Variants in MGAT4C observed in about 807,000 individuals in gnomAD.
MGAT4C encodes the protein alpha-1,3-mannosyl-glycoprotein 4-beta-N-acetylglucosaminyltransferase C.
A neutral mutation model predicts 40.1 loss-of-function variants in MGAT4C; 19 were observed. The observed-to-expected ratio is 0.47, with a 90% CI of 0.33 to 0.70. MGAT4C has a LOEUF of 0.70. MGAT4C is among the 30% of genes least tolerant of loss of function. The probability of loss-of-function intolerance (pLI) is 0.02; values close to 1 mark genes in which losing one functional copy is unlikely to be tolerated. For missense variants in MGAT4C, 491 were observed against 563.2 expected, an observed-to-expected ratio of 0.87 and a Z score of 1.30; for synonymous variants, 181 against 187.1, an observed-to-expected ratio of 0.97 and a Z score of 0.27.
chr12:86,739,265 C>A (rs1391500238), intron 1 of MGAT4C, among the ~76,000 whole-genome samples: 1 of 149,756 alleles, frequency 6.7e-6, no homozygotes, highest in Non-Finnish European at 1.5e-5. Context: ...GTTTGTAGTA[C>A]CTGTCCTAAA....
Position 86,291,835 on chromosome 12 carries a change from TG to T in MGAT4C, c.-57+42229del, listed in dbSNP as rs375613424. Among the ~76,000 whole-genome samples the T allele has an allele frequency of 4.2e-3, 638 of 152,048 alleles. 4 individuals carry two copies. Among genetic ancestry groups the T allele is most frequent in the African/African-American group, 0.015 (613 of 41,484 alleles). ...TAAACTGAATACTGTGAATAGGATT[TG>T]GGGGTAAGTGGAAGATATGAAAAAT... On this transcript the variant is annotated intron_variant, in intron 4 of 7. Transcript: ENST00000548651.
At chr12:86,694,916 T>C (rs928414040) in intron 2 of MGAT4C, among the ~76,000 whole-genome samples, 4 of 151,946 alleles carry the variant, frequency 2.6e-5, no homozygotes, top group African/African-American at 9.7e-5. Flanking sequence ...AATGGACAAA[T>C]GGGATCACAT....
intron 2 of MGAT4C, among the ~76,000 whole-genome samples, chr12:86,669,775 T>C (rs1446709062): frequency 6.6e-6 from 1 of 152,228 alleles, no homozygotes; most frequent in Non-Finnish European, 1.5e-5. Flanking sequence ...GCCCATTGCC[T>C]AGGCAGCAAA....
At chr12:86,263,892 C>T (rs750301281) in intron 4 of MGAT4C, among the ~76,000 whole-genome samples, 1 of 151,952 alleles carries the variant, frequency 6.6e-6, no homozygotes, top group East Asian at 1.9e-4. Flanking sequence ...TCTCATTGTG[C>T]TTTTAATTTG....
intron 1 of MGAT4C, among the ~76,000 whole-genome samples, chr12:86,070,172 T>G (rs1894945442): frequency 6.6e-6 from 1 of 151,960 alleles, no homozygotes; most frequent in Admixed American, 6.6e-5. Context: ...AAGTCAAATA[T>G]AATAAACTTA....
At chr12:86,828,690 G>T (rs1017776687) in intron 1 of MGAT4C, among the ~76,000 whole-genome samples, 1 of 151,370 alleles carries the variant, frequency 6.6e-6, no homozygotes, top group Non-Finnish European at 1.5e-5. Flanking sequence ...GGATGCTATT[G>T]GGCAAAGAAA....
intron 2 of MGAT4C, among the ~76,000 whole-genome samples, chr12:86,540,503 C>G (rs896638794): frequency 1.3e-5 from 2 of 152,006 alleles, no homozygotes; most frequent in African/African-American, 4.8e-5. Flanking sequence ...TTTGTGAGGC[C>G]GAGACATGCA....
intron 2 of MGAT4C, among the ~76,000 whole-genome samples, chr12:86,541,660 T>C (rs1298185224): frequency 1.3e-5 from 2 of 152,184 alleles, no homozygotes; most frequent in African/African-American, 4.8e-5. Context: ...AGAAGTGAAA[T>C]TGTATTTTAA....
intron 3 of MGAT4C, among the ~76,000 whole-genome samples, chr12:86,373,172 G>A (rs772823459): frequency 6.6e-5 from 10 of 151,784 alleles, no homozygotes; most frequent in South Asian, 2.1e-4. Context: ...TATTAACTGC[G>A]TTCCTCATCT....
intron 1 of MGAT4C, among the ~76,000 whole-genome samples, chr12:86,106,376 C>T (rs1876177041): frequency 6.6e-6 from 1 of 152,176 alleles, no homozygotes; most frequent in Admixed American, 6.6e-5. Flanking sequence ...TCCCGGCTCA[C>T]TGCAAACTCC....
At chr12:86,268,919 A>T (rs776148338) in intron 4 of MGAT4C, among the ~76,000 whole-genome samples, 2 of 145,362 alleles carry the variant, frequency 1.4e-5, no homozygotes, top group Admixed American at 6.9e-5. Flanking sequence ...AAACAAGTAG[A>T]GGAGATATTA....
intron 2 of MGAT4C, among the ~76,000 whole-genome samples, chr12:86,709,032 G>A (rs1950512014): frequency 2.0e-5 from 3 of 152,120 alleles, no homozygotes; most frequent in South Asian, 4.1e-4. Context: ...ATGAGATTTG[G>A]GAGGGGCCAG....
intron 2 of MGAT4C, among the ~76,000 whole-genome samples, chr12:86,502,440 A>G (rs1195030300): frequency 6.6e-6 from 1 of 151,932 alleles, no homozygotes; most frequent in Non-Finnish European, 1.5e-5. Flanking sequence ...ATAACATTAT[A>G]CAGTTGTCAA....
intron 2 of MGAT4C, among the ~76,000 whole-genome samples, chr12:86,634,433 T>C (rs1963154185): frequency 6.6e-6 from 1 of 152,166 alleles, no homozygotes; most frequent in Non-Finnish European, 1.5e-5. Context: ...GTTTAGCTGG[T>C]TAAAACAAGA....
intron 3 of MGAT4C, among the ~76,000 whole-genome samples, chr12:86,407,916 T>C (rs527590804): frequency 2.0e-5 from 3 of 152,172 alleles, no homozygotes; most frequent in East Asian, 3.9e-4. Context: ...AGATATCCAA[T>C]AGTCACAAGA....
At chr12:86,511,926 G>A (rs182460417) in intron 2 of MGAT4C, among the ~76,000 whole-genome samples, 29 of 152,102 alleles carry the variant, frequency 1.9e-4, no homozygotes, top group South Asian at 6.2e-4. Flanking sequence ...CTTTTGCACC[G>A]CAAAGGAAAC....
chr12:86,292,471 C>A (rs1953547432), intron 4 of MGAT4C, among the ~76,000 whole-genome samples: 2 of 151,328 alleles, frequency 1.3e-5, no homozygotes, highest in South Asian at 4.2e-4. Context: ...ATCAGGAGAG[C>A]TATTCCATTT....
intron 4 of MGAT4C, among the ~76,000 whole-genome samples, chr12:86,306,222 G>C (rs1953931560): frequency 1.3e-5 from 2 of 150,246 alleles, no homozygotes; most frequent in South Asian, 4.2e-4. Context: ...TTACTCAAGA[G>C]AAACAGAAAC....
intron 1 of MGAT4C, among the ~76,000 whole-genome samples, chr12:86,742,546 C>G (rs1035156766): frequency 6.6e-6 from 1 of 151,374 alleles, no homozygotes; most frequent in Non-Finnish European, 1.5e-5. Context: ...TAGTCAGATT[C>G]CCAGAATGAA....
Sources: gnomAD v4.1 joint callset for allele counts (sites outside exome capture counted in the v4.1 genomes callset) on GRCh38, gnomAD v4.1.1 for gene constraint, MANE v1.5 for transcripts, NCBI Gene and HGNC (gene_info 2026-07-23, HGNC 2026-07-21) for gene names.